Variants in VCPKMT observed in about 807,000 individuals in gnomAD.
The protein encoded by VCPKMT is protein N-lysine methyltransferase METTL21D.
Under a neutral mutation model 28.6 loss-of-function variants are expected in VCPKMT, and 32 were observed. The observed-to-expected ratio is 1.12, with a 90% confidence interval of 0.84 to 1.50. The LOEUF (loss-of-function observed/expected upper bound fraction) is 1.50. Ranked by LOEUF, VCPKMT falls within the 40% of genes most tolerant of loss-of-function variation. VCPKMT has a pLI of 0.00. For synonymous variants in VCPKMT, 138 were observed against 111.4 expected (o/e 1.24, Z -1.50); for missense variants, 366 against 285.0 (o/e 1.28, Z -2.05).
At chr14:50,115,327 T>C (rs1396334184) in intron 3 of VCPKMT, among the ~76,000 whole-genome samples, 1 of 152,052 alleles carries the variant, frequency 6.6e-6, no homozygotes, top group Non-Finnish European at 1.5e-5. Context: ...TAATTTTGTA[T>C]TTTTAGTAGA....
At chr14:50,115,221 C>T (rs1188392074) in intron 3 of VCPKMT, among the ~76,000 whole-genome samples, 3 of 135,268 alleles carry the variant, frequency 2.2e-5, no homozygotes, top group Admixed American at 1.7e-4. Context: ...GGCATGATTT[C>T]GGCTCACTGC....
Position 50,115,234 on chromosome 14 carries a change from C to A in VCPKMT, c.450+605G>T, listed in dbSNP as rs550437104. Among the ~76,000 whole-genome samples the A allele has an allele frequency of 2.1e-3, 310 of 149,436 alleles. 1 individual carries two copies. Among genetic ancestry groups the A allele is most frequent in the African/African-American group, 7.3e-3 (293 of 40,178 alleles). On this transcript the variant is annotated intron_variant, in intron 3 of 5. Coordinates refer to ENST00000395860, the MANE Select transcript of VCPKMT (RefSeq NM_024558.3). ...ATGGCATGATTTCGGCTCACTGCAA[C>A]CTCCGCCTCCCAGGTTCAAGCGATT... is the stretch of plus-strand genomic sequence containing the variant.
chr14:50,107,463 G>A (rs182712962), downstream of VCPKMT, among the ~76,000 whole-genome samples: 3 of 152,114 alleles, frequency 2.0e-5, no homozygotes, highest in East Asian at 1.9e-4. Flanking sequence ...TACAGTGCAC[G>A]CCACCATGCC....
At chr14:50,103,010 C>T in the VCPKMT span, among the ~76,000 whole-genome samples, 1 of 152,194 alleles carries the variant, frequency 6.6e-6, no homozygotes, top group Non-Finnish European at 1.5e-5. Context: ...TGGACTAACA[C>T]AAATTCGTAA....
intron 5 of VCPKMT, 75 bp downstream of exon 5, chr14:50,112,540 C>A (rs991112207): frequency 4.1e-5 from 38 of 922,888 alleles, no homozygotes; most frequent in Non-Finnish European, 5.9e-5. Context: ...AACGCCCATA[C>A]CACACATATG....
downstream of VCPKMT, among the ~76,000 whole-genome samples, chr14:50,107,912 G>A (rs866062072): frequency 3.3e-5 from 5 of 152,258 alleles, no homozygotes; most frequent in Admixed American, 1.3e-4. Flanking sequence ...AGAGGGCCAG[G>A]TGCAGTGGCT....
At position 50,116,123 on chromosome 14, in the gene VCPKMT, A is replaced by C. The variant is rs1883176985; in HGVS notation, c.323T>G (p.Ile108Ser). 1 of 1,613,970 alleles carries C rather than the reference A, an allele frequency of 6.2e-7. No individual in the cohort carries two copies. The highest frequency in any genetic ancestry group is 1.3e-5 in the African/African-American group (1 of 74,918). Residue 108 changes from isoleucine to serine, a missense_variant, in exon 2 of 6, where the codon ATT (isoleucine) becomes AGT (serine). By Grantham distance (142) the Ile-to-Ser change is moderately radical. Coordinates refer to ENST00000395860, the MANE Select transcript of VCPKMT (RefSeq NM_024558.3). ...EELQDLLKMN[I>S]NMNKHLVTGS... is the part of the protein sequence containing the mutation. ...AGTGACAAGATGCTTGTTCATATTA[A>C]TATTCATCTTCAGCAAGTCTTGCAA...
chr14:50,103,322 G>A, the VCPKMT span, among the ~76,000 whole-genome samples: 2 of 152,148 alleles, frequency 1.3e-5, no homozygotes, highest in Admixed American at 1.3e-4. Flanking sequence ...GATTATTTAG[G>A]CAAGAAACAA....
downstream of VCPKMT, among the ~76,000 whole-genome samples, chr14:50,106,847 T>C (rs1354273255): frequency 6.6e-6 from 1 of 152,116 alleles, no homozygotes; most frequent in Non-Finnish European, 1.5e-5. Flanking sequence ...CTCCCTAGTA[T>C]GGATGGGACT....
At chr14:50,105,030 A>G (rs1041461675), downstream of VCPKMT, among the ~76,000 whole-genome samples, 2 of 151,552 alleles carry the variant, frequency 1.3e-5, no homozygotes, top group Admixed American at 6.6e-5. Flanking sequence ...CTCAAAAGGT[A>G]GGCTTTTTTT....
intron 5 of VCPKMT, chr14:50,112,145 TCA>T (rs879523321): frequency 4.8e-6 from 4 of 836,306 alleles, no homozygotes; most frequent in South Asian, 5.5e-5. Flanking sequence ...TTTTAAAATC[TCA>T]CAGAGATAAA....
downstream of VCPKMT, among the ~76,000 whole-genome samples, chr14:50,104,121 A>G (rs573275829): frequency 6.2e-4 from 94 of 152,392 alleles, no homozygotes; most frequent in African/African-American, 1.9e-3. Flanking sequence ...ATCTGGTCTC[A>G]GAGCCTCTGT....
chr14:50,116,293 G>A lies in VCPKMT; in HGVS notation c.260C>T (p.Thr87Ile), dbSNP rs199725507. The change falls in exon 1 of 6, where the codon ACC becomes ATC. Residue 87 changes from threonine (T) to isoleucine (I), a missense_variant. Transcript: ENST00000395860. Reference protein sequence around the residue: ...GTGAVGLMAATLGADVVVTDL... With the variant: ...GTGAVGLMAAILGADVVVTDL... The stretch of plus-strand genomic sequence containing the variant: ...CCCGCCCGCCAGCTCTTACCCGAGG[G>A]TAGCAGCCATGAGCCCCACGGCCCC... The A allele has an allele frequency of 1.2e-4, 185 of 1,605,940 alleles. No homozygotes were observed. In the Admixed American group the frequency reaches 2.7e-3, roughly 24 times the overall value.
At chr14:50,112,320 C>T (rs11851740) in intron 5 of VCPKMT, among the ~76,000 whole-genome samples, 28,657 of 138,312 alleles carry the variant, frequency 0.21, 2,898 homozygotes, top group East Asian at 0.48. Flanking sequence ...CCGAAGTGGG[C>T]GGATCACTTG....
At chr14:50,112,470 A>G (rs1882753841) in intron 5 of VCPKMT, 145 bp downstream of exon 5, 2 of 529,696 alleles carry the variant, frequency 3.8e-6, no homozygotes, top group South Asian at 4.3e-5. Flanking sequence ...AATTATCTTG[A>G]CAATGAAGTT....
At chr14:50,111,480 A>G in intron 5 of VCPKMT, 1 of 985,476 alleles carries the variant, frequency 1.0e-6, no homozygotes, top group South Asian at 4.7e-5. Flanking sequence ...AGCAAAGATG[A>G]TAGAAAAAGT....
intron 5 of VCPKMT, chr14:50,111,516 T>C (rs966734787): frequency 7.3e-5 from 72 of 985,256 alleles, no homozygotes; most frequent in Non-Finnish European, 8.2e-5. Context: ...CTAGCATCCT[T>C]AATTCATAAA....
Position 50,116,461 on chromosome 14 carries a change from T to G in VCPKMT, c.92A>C (p.Gln31Pro), listed in dbSNP as rs1883228332. Residue 31 changes from glutamine to proline, a missense_variant, in exon 1 of 6, where the codon CAG (glutamine) becomes CCG (proline). Physicochemically the swap from Gln to Pro is moderately conservative, Grantham distance 76. Coordinates refer to ENST00000395860, the MANE Select transcript of VCPKMT (RefSeq NM_024558.3). ...ACCCACGCCACCGGAGCTATACTGC[T>G]GTAGTCGTAGCACTGTACCATCCCG... ...EKRDGTVLRL[Q>P]QYSSGGVGCV... 2.5e-6 allele frequency: 4 copies of G among 1,614,052 alleles called. No individual in the cohort carries two copies. Among genetic ancestry groups the G allele is most frequent in the Non-Finnish European group, 2.5e-6 (3 of 1,179,968 alleles).
chr14:50,104,208 T>A (rs145251659), downstream of VCPKMT, among the ~76,000 whole-genome samples: 33 of 151,926 alleles, frequency 2.2e-4, no homozygotes, highest in Non-Finnish European at 4.4e-4. Context: ...TTTAGGTTTA[T>A]CATTTGCAAA....
Sources: gnomAD v4.1 joint callset for allele counts (sites outside exome capture counted in the v4.1 genomes callset) on GRCh38, gnomAD v4.1.1 for gene constraint, MANE v1.5 for transcripts, NCBI Gene and HGNC (gene_info 2026-07-23, HGNC 2026-07-21) for gene names.